The following EPHB1 variants were observed in gnomAD, a reference collection of about 807,000 sequenced individuals.
EPHB1 encodes the protein ephrin type-B receptor 1.
EPHB1 carries 30 observed loss-of-function variants against 94.4 expected under a neutral mutation model. That is an observed-to-expected ratio of 0.32 (90% CI 0.24 to 0.43). EPHB1 has a LOEUF of 0.43. Among genes scored for constraint, EPHB1 ranks in the 20% least tolerant of loss-of-function variants. The pLI is 1.00. For synonymous variants in EPHB1, 522 were observed against 489.1 expected (o/e 1.07, Z -0.89); for missense variants, 1,055 against 1,308.3 (o/e 0.81, Z 2.99).
At chr3:135,017,742 G>A (rs1444388990) in intron 3 of EPHB1, among the ~76,000 whole-genome samples, 1 of 152,316 alleles carries the variant, frequency 6.6e-6, no homozygotes, top group Non-Finnish European at 1.5e-5. Flanking sequence ...CAAGCACCTG[G>A]TGGCACTGGG....
chr3:134,959,867 G>A (rs948631564), intron 3 of EPHB1, among the ~76,000 whole-genome samples: 8 of 150,108 alleles, frequency 5.3e-5, no homozygotes, highest in Non-Finnish European at 5.9e-5. Context: ...TCCCAGCTCA[G>A]TCAGGGCTGT....
chr3:134,809,247 T>TGA (rs2036122185), intron 1 of EPHB1, among the ~76,000 whole-genome samples: 1 of 152,186 alleles, frequency 6.6e-6, no homozygotes, highest in Non-Finnish European at 1.5e-5. Context: ...CTTTCTCATT[T>TGA]GAGAGAGAGA....
intron 12 of EPHB1, among the ~76,000 whole-genome samples, chr3:135,202,978 C>T (rs1942797504): frequency 6.6e-6 from 1 of 152,202 alleles, no homozygotes. Flanking sequence ...CCCAAATGCC[C>T]ATCAATGATA....
chr3:135,049,720 G>A (rs963112295), intron 3 of EPHB1, among the ~76,000 whole-genome samples: 1 of 152,226 alleles, frequency 6.6e-6, no homozygotes, highest in Non-Finnish European at 1.5e-5. Context: ...TTGGGGACCA[G>A]GTTTTGATAC....
intron 3 of EPHB1, among the ~76,000 whole-genome samples, chr3:135,067,297 G>A (rs1937593074): frequency 6.6e-6 from 1 of 152,176 alleles, no homozygotes; most frequent in Admixed American, 6.5e-5. Context: ...AGAGTGGGTA[G>A]GGAAGGGCAA....
intron 1 of EPHB1, among the ~76,000 whole-genome samples, chr3:134,851,828 G>T (rs2036990768): frequency 6.6e-6 from 1 of 152,184 alleles, no homozygotes; most frequent in Admixed American, 6.5e-5. Context: ...ATGATAGCCT[G>T]GAAAAATATT....
chr3:135,101,394 GAC>G (rs376909677), intron 3 of EPHB1, among the ~76,000 whole-genome samples: 1,612 of 148,832 alleles, frequency 0.011, 20 homozygotes, highest in African/African-American at 0.036. Flanking sequence ...TTTTTAATGC[GAC>G]ACAGTCTCAC....
Position 135,166,051 on chromosome 3 carries a change from G to A in EPHB1, c.1669G>A (p.Val557Met), listed in dbSNP as rs1204593662. 1 of 1,613,742 alleles carries A rather than the reference G, an allele frequency of 6.2e-7. No homozygotes were observed. Among genetic ancestry groups the A allele is most frequent in the Non-Finnish European group, 8.5e-7 (1 of 1,179,832 alleles). Residue 557 changes from valine to methionine, a missense_variant, in exon 8 of 16, where the codon GTG becomes ATG. Val to Met is a conservative substitution (Grantham distance 21). Transcript: ENST00000398015. ...CGGGGTCGTGTTCGTTGTGTCCTTG[G>A]TGGCCATCTCTATCGTCTGTAGCAG... The part of the protein sequence containing the change: ...AAGVVFVVSL[V>M]AISIVCSRKR...
intron 10 of EPHB1, among the ~76,000 whole-genome samples, chr3:135,190,260 G>A (rs1445552916): frequency 6.6e-6 from 1 of 152,230 alleles, no homozygotes. Context: ...CTGGCACATA[G>A]TAGGTGGTTA....
At chr3:134,979,047 C>T (rs970319076) in intron 3 of EPHB1, among the ~76,000 whole-genome samples, 2 of 152,130 alleles carry the variant, frequency 1.3e-5, no homozygotes, top group African/African-American at 4.8e-5. Flanking sequence ...GATTTCTGGC[C>T]TCATAATGTG....
intron 3 of EPHB1, among the ~76,000 whole-genome samples, chr3:134,956,103 G>C (rs137970400): frequency 1.6e-3 from 236 of 152,176 alleles, no homozygotes; most frequent in African/African-American, 5.1e-3. Flanking sequence ...GAGGAGGCTG[G>C]GGCTGTTAGA....
chr3:135,220,943 T>C (rs2107720116), intron 12 of EPHB1, among the ~76,000 whole-genome samples: 1 of 152,348 alleles, frequency 6.6e-6, no homozygotes, highest in East Asian at 1.9e-4. Context: ...TTCTGGCCCA[T>C]GACTTAGTCA....
rs138008605 is a variant in EPHB1 at position 135,021,015 on chromosome 3, G to A, written c.805+68963G>A. ...TTAAATGTACTTGGGTCTATTTCAA[G>A]TCTTCTCTGTTACAGTGCCTTGTTT... On this transcript the variant is annotated intron_variant, in intron 3 of 15. Coordinates refer to ENST00000398015, the MANE Select transcript of EPHB1 (RefSeq NM_004441.5). 4.6e-3 allele frequency among the ~76,000 whole-genome samples: 707 copies of A among 152,190 alleles called. 5 individuals are homozygous for A. Among genetic ancestry groups the A allele is most frequent in the African/African-American group, 0.016 (676 of 41,522 alleles).
At position 135,201,657 on chromosome 3, in the gene EPHB1, G is replaced by A. The variant is rs2107713159; in HGVS notation, c.2314G>A (p.Asp772Asn). The A allele has an allele frequency of 6.2e-7, 1 of 1,613,884 alleles. No homozygotes were observed. Among genetic ancestry groups the A allele is most frequent in the Non-Finnish European group, 8.5e-7 (1 of 1,179,954 alleles). ...DFGLSRYLQD[D>N]TSDPTYTSSL... ...TGGCCTCTCCCGCTACCTCCAGGAT[G>A]ACACCTCAGATCCCACCTACACCAG... Residue 772 changes from aspartate to asparagine, a missense_variant, in exon 12 of 16, where the codon GAC becomes AAC. By Grantham distance (23) the Asp-to-Asn change is conservative. Transcript: ENST00000398015.
intron 3 of EPHB1, among the ~76,000 whole-genome samples, chr3:134,979,128 C>T (rs1194643334): frequency 6.6e-6 from 1 of 152,174 alleles, no homozygotes; most frequent in African/African-American, 2.4e-5. Flanking sequence ...TAATTACTCT[C>T]ATCTTATATT....
chr3:134,960,627 G>C (rs1269915877), intron 3 of EPHB1, among the ~76,000 whole-genome samples: 2 of 152,100 alleles, frequency 1.3e-5, no homozygotes, highest in Admixed American at 1.3e-4. Flanking sequence ...AAGTGTGTTC[G>C]ACTCATCCTC....
chr3:135,212,285 A>T (rs1183604846), intron 12 of EPHB1, among the ~76,000 whole-genome samples: 1 of 151,972 alleles, frequency 6.6e-6, no homozygotes, highest in Non-Finnish European at 1.5e-5. Flanking sequence ...TAATGTTAAC[A>T]TCTGGGTGGT....
chr3:135,186,365 G>A (rs1032141301), intron 10 of EPHB1, among the ~76,000 whole-genome samples: 2 of 152,216 alleles, frequency 1.3e-5, no homozygotes, highest in Non-Finnish European at 2.9e-5. Context: ...TGCAGGGTCA[G>A]GAAGTGGTGG....
At chr3:135,074,449 G>A (rs1368782179) in intron 3 of EPHB1, among the ~76,000 whole-genome samples, 4 of 152,124 alleles carry the variant, frequency 2.6e-5, no homozygotes, top group African/African-American at 9.7e-5. Flanking sequence ...GTATGATTTT[G>A]TTCTAGGGTT....
Sources: gnomAD v4.1 joint callset for allele counts (sites outside exome capture counted in the v4.1 genomes callset) on GRCh38, gnomAD v4.1.1 for gene constraint, MANE v1.5 for transcripts, NCBI Gene and HGNC (gene_info 2026-07-23, HGNC 2026-07-21) for gene names.